Variants in ATAD2B observed in about 807,000 individuals in gnomAD.
ATAD2B encodes the protein ATPase family AAA domain containing 2B, also known as ATPase family AAA domain-containing protein 2B.
A neutral mutation model predicts 167.6 loss-of-function variants in ATAD2B; 40 were observed. The ratio of observed to expected loss-of-function variants is 0.24; its 90% confidence interval spans 0.19 to 0.31. ATAD2B has a LOEUF of 0.31. Among genes scored for constraint, ATAD2B ranks in the 10% least tolerant of loss-of-function variants. ATAD2B has a pLI of 1.00. For synonymous variants in ATAD2B, 579 were observed against 596.5 expected (o/e 0.97, Z 0.43); for missense variants, 1,242 against 1,757.2 (o/e 0.71, Z 5.24).
chr2:23,691,213 A>C, the ATAD2B span: 1 of 206,976 alleles, frequency 4.8e-6, no homozygotes, highest in Non-Finnish European at 9.8e-6. Flanking sequence ...ATCAGAGGAT[A>C]TCTCTGGATT....
intron 1 of ATAD2B, among the ~76,000 whole-genome samples, chr2:23,905,748 C>A (rs559721207): frequency 1.3e-5 from 2 of 152,268 alleles, no homozygotes; most frequent in South Asian, 2.1e-4. Flanking sequence ...ATTAATGTAA[C>A]TTCATAAGCT....
intron 1 of ATAD2B, among the ~76,000 whole-genome samples, chr2:23,912,220 G>A (rs868272326): frequency 1.3e-5 from 2 of 152,168 alleles, no homozygotes; most frequent in Middle Eastern, 3.4e-3. Flanking sequence ...AAGTAGGCCG[G>A]GTACAGTGAC....
intron 22 of ATAD2B, among the ~76,000 whole-genome samples, chr2:23,776,995 A>T (rs867965769): frequency 1.3e-5 from 2 of 152,178 alleles, no homozygotes; most frequent in African/African-American, 4.8e-5. Flanking sequence ...CTTTAAAAAG[A>T]TAATTAAAAT....
chr2:23,860,309 G>A (rs1455762476), intron 12 of ATAD2B, among the ~76,000 whole-genome samples: 1 of 152,158 alleles, frequency 6.6e-6, no homozygotes, highest in Non-Finnish European at 1.5e-5. Flanking sequence ...ACAAAAATAT[G>A]TATTTTGTTG....
At chr2:23,712,048 A>G in the ATAD2B span, among the ~76,000 whole-genome samples, 3 of 152,280 alleles carry the variant, frequency 2.0e-5, no homozygotes, top group African/African-American at 7.2e-5. Context: ...GTTGAGTTTC[A>G]TGCTCATTAC....
rs779083021 is a variant in ATAD2B, at chr2:23,762,309, A to G, written c.3294T>C (p.Ser1098=). The change falls in exon 24 of 28, where the codon AGT becomes AGC. Residue 1098 remains serine, a synonymous_variant. Coordinates refer to ENST00000238789, the MANE Select transcript of ATAD2B (RefSeq NM_017552.4). ...SVTSEQINPH[S]TGARKTETRV... The stretch of plus-strand genomic sequence containing the variant: ...TAGTTTCTGTCTTCCGAGCTCCAGT[A>G]CTATGAGGATTTATTTGTTCTGATG... 1.2e-6 allele frequency: 2 copies of G among 1,613,518 alleles called. No individual in the cohort carries two copies. Among genetic ancestry groups the G allele is most frequent in the East Asian group, 2.2e-5 (1 of 44,794 alleles).
At chr2:23,736,555 T>TA in the ATAD2B span, among the ~76,000 whole-genome samples, 4 of 152,114 alleles carry the variant, frequency 2.6e-5, no homozygotes, top group Admixed American at 2.6e-4. Context: ...AAATGCTACT[T>TA]AAAAAATCAA....
At chr2:23,684,321 G>GA in the ATAD2B span, 48 of 1,130,106 alleles carry the variant, frequency 4.2e-5, no homozygotes, top group Non-Finnish European at 4.6e-5. The surrounding 1 kb of genome is among the most constrained non-coding windows in gnomAD (Gnocchi z 4.4). Context: ...CTTGAAAAAA[G>GA]AAAAAAAACT....
At chr2:23,847,133 G>A (rs909290630) in intron 13 of ATAD2B, among the ~76,000 whole-genome samples, 3 of 130,870 alleles carry the variant, frequency 2.3e-5, no homozygotes, top group African/African-American at 8.8e-5. Context: ...AGACACAGGA[G>A]GGTGAGGCGG....
intron 4 of ATAD2B, 70 bp downstream of exon 4, chr2:23,887,762 T>C: frequency 7.3e-7 from 1 of 1,377,656 alleles, no homozygotes; most frequent in Non-Finnish European, 9.7e-7. Context: ...GCTTATGTTA[T>C]TTTTTTAAAA....
At chr2:23,702,525 C>T in the ATAD2B span, among the ~76,000 whole-genome samples, 1 of 152,172 alleles carries the variant, frequency 6.6e-6, no homozygotes. Context: ...TCTCCCTTCA[C>T]CTGTAATGTT....
chr2:23,864,539 A>G (rs1694876011), intron 11 of ATAD2B, among the ~76,000 whole-genome samples: 1 of 152,218 alleles, frequency 6.6e-6, no homozygotes, highest in African/African-American at 2.4e-5. Flanking sequence ...CAAATTCAGA[A>G]AAACCCATCT....
chr2:23,884,560 T>C (rs1471057477), intron 6 of ATAD2B, among the ~76,000 whole-genome samples: 1 of 152,186 alleles, frequency 6.6e-6, no homozygotes, highest in Non-Finnish European at 1.5e-5. Context: ...ACATAATGTA[T>C]AATGTGCACT....
chr2:23,880,007 G>A (rs1424313158), intron 7 of ATAD2B, among the ~76,000 whole-genome samples: 2 of 150,714 alleles, frequency 1.3e-5, no homozygotes, highest in Non-Finnish European at 2.9e-5. Flanking sequence ...GCAGTGCACT[G>A]AGATAATGCC....
chr2:23,783,961 GT>G (rs907690152), intron 21 of ATAD2B, among the ~76,000 whole-genome samples: 4 of 151,922 alleles, frequency 2.6e-5, no homozygotes, highest in Admixed American at 2.6e-4. Context: ...TAATTTATAT[GT>G]TTTTTAATGT....
intron 1 of ATAD2B, among the ~76,000 whole-genome samples, chr2:23,899,918 CTTTTTTT>C (rs34685891): frequency 2.4e-5 from 2 of 83,608 alleles, no homozygotes; most frequent in Non-Finnish European, 4.5e-5. Context: ...AGTTTTCTTA[CTTTTTTT>C]TTTTTTTTTT....
the ATAD2B span, among the ~76,000 whole-genome samples, chr2:23,705,008 C>T: frequency 3.3e-5 from 5 of 152,340 alleles, no homozygotes; most frequent in Non-Finnish European, 7.3e-5. Flanking sequence ...GTGAAACAGG[C>T]GGTTGGACCA....
chr2:23,741,875 C>T, the ATAD2B span, among the ~76,000 whole-genome samples: 1 of 152,166 alleles, frequency 6.6e-6, no homozygotes, highest in Non-Finnish European at 1.5e-5. Context: ...CAAACAACCT[C>T]ATCAAAAAGT....
chr2:23,859,817 G>A (rs1694057387), intron 12 of ATAD2B, among the ~76,000 whole-genome samples: 1 of 151,878 alleles, frequency 6.6e-6, no homozygotes, highest in Non-Finnish European at 1.5e-5. Flanking sequence ...GCGTGGCGGG[G>A]GGGGCACCTG....
Sources: gnomAD v4.1 joint callset for allele counts (sites outside exome capture counted in the v4.1 genomes callset) on GRCh38, gnomAD v4.1.1 for gene constraint, Gnocchi (gnomAD v3.1) non-coding constraint, MANE v1.5 for transcripts, NCBI Gene and HGNC (gene_info 2026-07-23, HGNC 2026-07-21) for gene names.